COL7A1: variants seen among roughly 807,000 people sequenced by gnomAD.
COL7A1 encodes the protein collagen type VII alpha 1 chain.
COL7A1 carries 296 observed loss-of-function variants against 456.2 expected under a neutral mutation model. That is an observed-to-expected ratio of 0.65 (90% CI 0.59 to 0.71). COL7A1 has a LOEUF of 0.71. COL7A1 is among the 30% of genes least tolerant of loss of function. The pLI is 0.00. For missense variants in COL7A1, 3,441 were observed against 4,017.2 expected (o/e 0.86, Z 3.88); for synonymous variants, 1,464 against 1,525.9 (o/e 0.96, Z 0.95).
chr3:48,569,892 C>T lies in COL7A1; in HGVS notation c.7509G>A (p.Glu2503=). The T allele has an allele frequency of 6.2e-7, 1 of 1,614,122 alleles. No individual in the cohort carries two copies. Among genetic ancestry groups the T allele is most frequent in the Non-Finnish European group, 8.5e-7 (1 of 1,179,994 alleles). ...CCCACGTTCCTACCTTCTCCCCACG[C>T]TCTCCCCTGCTGCCAGGGGGCCCCT... The part of the protein sequence containing the change: ...GLTGPPGSRG[E]RGEKGDVGSA... The change falls in exon 100 of 119, where the codon GAG becomes GAA. Residue 2503 remains glutamate, a synonymous_variant. Transcript: ENST00000681320. This position sits in a 1 kb window ranked among gnomAD's most constrained non-coding sequence, Gnocchi z 4.9.
rs1276252908 is a variant in COL7A1 at position 48,570,134 on chromosome 3, C to T, written c.7485G>A (p.Thr2495=). Residue 2495 remains threonine (T), a splice_region_variant and synonymous_variant, in exon 99 of 119, where the codon ACG becomes ACA. Coordinates refer to ENST00000681320, the MANE Select transcript of COL7A1 (RefSeq NM_000094.4). This position sits in a 1 kb window ranked among gnomAD's most constrained non-coding sequence, Gnocchi z 5.5. The part of the protein sequence containing the change: ...RPGQEGPRGL[T]GPPGSRGERG... Reference sequence around the variant, plus strand: ...TGTCACTTTCCCCAGCGGGACCCACCGTGAGTCCTCGGGGTCCCTCCTGGC... The same window carrying T: ...TGTCACTTTCCCCAGCGGGACCCACTGTGAGTCCTCGGGGTCCCTCCTGGC... The T allele has an allele frequency of 3.7e-6, 6 of 1,614,124 alleles. No individual in the cohort carries two copies. The highest frequency in any genetic ancestry group is 1.1e-5 in the South Asian group (1 of 91,082).
Position 48,586,765 on chromosome 3 carries a change from C to T in COL7A1, c.3277-76G>A. On this transcript the variant is annotated intron_variant, in intron 25 of 118. Coordinates refer to ENST00000681320, the MANE Select transcript of COL7A1 (RefSeq NM_000094.4). This position sits in a 1 kb window ranked among gnomAD's most constrained non-coding sequence, Gnocchi z 5.1. ...GGGGTGCACAGAGCCTGGAGAAACA[C>T]ATCAGGGTGTGTGTGACCAAACCCT... 5 of 1,539,566 alleles carry T rather than the reference C, an allele frequency of 3.2e-6. No homozygotes were observed. The highest frequency in any genetic ancestry group is 4.4e-6 in the Non-Finnish European group (5 of 1,138,580).
At position 48,574,647 on chromosome 3, in the gene COL7A1, A is replaced by G; in HGVS notation, c.6393+30T>C. On this transcript the variant is annotated intron_variant, in intron 78 of 118. Transcript: ENST00000681320. The surrounding 1 kb of genome is among the most constrained non-coding windows in gnomAD (Gnocchi z 5.0). ...TAGTGTGCCCCCAGAAAGGAGGGGG[A>G]CTCTATGGAAGGGTGGAGAGAGGCC... 2 of 1,613,322 alleles carry G rather than the reference A, an allele frequency of 1.2e-6. No homozygotes were observed. The highest frequency in any genetic ancestry group is 1.7e-6 in the Non-Finnish European group (2 of 1,179,864).
Position 48,570,209 on chromosome 3 carries a change from G to A in COL7A1, c.7441-31C>T. 1 of 1,614,140 alleles carries A rather than the reference G, an allele frequency of 6.2e-7. No homozygotes were observed. Among genetic ancestry groups the A allele is most frequent in the Non-Finnish European group, 8.5e-7 (1 of 1,179,998 alleles). On this transcript the variant is annotated intron_variant, in intron 98 of 118. Transcript: ENST00000681320. The surrounding 1 kb of genome is among the most constrained non-coding windows in gnomAD (Gnocchi z 5.5). Reference sequence around the variant, plus strand: ...TGGTGACATTAGGTTCATTGACTCAGAGGTTGGAAATCAGAGGCAAGAGCT... The same window carrying A: ...TGGTGACATTAGGTTCATTGACTCAAAGGTTGGAAATCAGAGGCAAGAGCT...
Position 48,593,768 on chromosome 3 carries a change from T to A in COL7A1, c.267-72A>T. 1 of 1,568,466 alleles carries A rather than the reference T, an allele frequency of 6.4e-7. No individual in the cohort carries two copies. Among genetic ancestry groups the A allele is most frequent in the South Asian group, 1.1e-5 (1 of 90,102 alleles). On this transcript the variant is annotated intron_variant, in intron 3 of 118. Transcript: ENST00000681320. The surrounding 1 kb of genome is among the most constrained non-coding windows in gnomAD (Gnocchi z 4.4). ...CTGGCCCTGGCCTTGAGGAGGCCTCTAGGGTGAGGGTTACGGGTATCAGGC... is the reference window on the plus strand; with the variant it reads ...CTGGCCCTGGCCTTGAGGAGGCCTCAAGGGTGAGGGTTACGGGTATCAGGC...
rs766058466 is a variant in COL7A1 at position 48,585,142 on chromosome 3, G to A, written c.3895-26C>T. 37 of 1,607,972 alleles carry A rather than the reference G, an allele frequency of 2.3e-5. No homozygotes were observed. In the African/African-American group the frequency reaches 4.7e-4, roughly 20 times the overall value. On this transcript the variant is annotated intron_variant, in intron 32 of 118. Transcript: ENST00000681320. This position sits in a 1 kb window ranked among gnomAD's most constrained non-coding sequence, Gnocchi z 4.5. The stretch of plus-strand genomic sequence containing the variant: ...CTGAGGAGGTGAAGAGGTCAGGACA[G>A]GAAGGGACCCTCCCCCAAGGCCCCT...
chr3:48,566,198 T>C lies in COL7A1; in HGVS notation c.8407+69A>G. The C allele has an allele frequency of 6.6e-7, 1 of 1,525,034 alleles. No individual in the cohort carries two copies. The highest frequency in any genetic ancestry group is 1.4e-5 in the African/African-American group (1 of 73,140). 94.5% of individuals were successfully genotyped at this position (1,525,034 alleles called of 1,614,324 possible). A position where few individuals can be genotyped will look rare whatever the true frequency, so the allele number is the denominator to read the frequency against. On this transcript the variant is annotated intron_variant, in intron 114 of 118. Coordinates refer to ENST00000681320, the MANE Select transcript of COL7A1 (RefSeq NM_000094.4). The surrounding 1 kb of genome is among the most constrained non-coding windows in gnomAD (Gnocchi z 5.9). Reference sequence around the variant, plus strand: ...TCTTGACTGCTTGCCCTGTAAGTTCTAGGGGCCTGCCTGCCCTTGCCTAGG... The same window carrying C: ...TCTTGACTGCTTGCCCTGTAAGTTCCAGGGGCCTGCCTGCCCTTGCCTAGG...
Position 48,586,355 on chromosome 3 carries a change from G to A in COL7A1, c.3527C>T (p.Pro1176Leu). ...DEPLRGDIFS[P>L]IREAQASGLN... The stretch of plus-strand genomic sequence containing the variant: ...ACCAGAAGCCTGGGCCTCACGGATG[G>A]GGCTGAATATGTCACCTCTCAAGGG... The change falls in exon 27 of 119, where the codon CCC becomes CTC. Residue 1176 changes from proline (P) to leucine (L), a missense_variant. Coordinates refer to ENST00000681320, the MANE Select transcript of COL7A1 (RefSeq NM_000094.4). This position sits in a 1 kb window ranked among gnomAD's most constrained non-coding sequence, Gnocchi z 5.1. 2.5e-6 allele frequency: 4 copies of A among 1,613,836 alleles called. No individual in the cohort carries two copies. Among genetic ancestry groups the A allele is most frequent in the South Asian group, 2.2e-5 (2 of 91,080 alleles).
In COL7A1 at chr3:48,580,459, G is replaced by T. The variant is rs1282323123; in HGVS notation, c.5053-115C>A. ...TAGCCTTCAGATGCGTGTGTGCAGG[G>T]GTCAAAGGAAGTGAAGATTGGGAGG... On this transcript the variant is annotated intron_variant, in intron 55 of 118. Transcript: ENST00000681320. This position sits in a 1 kb window ranked among gnomAD's most constrained non-coding sequence, Gnocchi z 4.5. 2 of 1,470,452 alleles carry T rather than the reference G, an allele frequency of 1.4e-6. No individual in the cohort carries two copies. The highest frequency in any genetic ancestry group is 1.9e-6 in the Non-Finnish European group (2 of 1,064,678). The allele number at this position is 1,470,452 out of a possible 1,614,324, so 91.1% of individuals were successfully genotyped here. A position where few individuals can be genotyped will look rare whatever the true frequency, so the allele number is the denominator to read the frequency against.
chr3:48,585,950 T>C lies in COL7A1; in HGVS notation c.3749A>G (p.Tyr1250Cys), dbSNP rs917904275. ...ATGAGGGACTCTTACCTTTGGACAA[T>C]ACACTGGGCAGGGCTCTGGCCGGGG... ...TQPRPEPCPV[Y>C]CPKGQKGEPG... Residue 1250 changes from tyrosine (Y) to cysteine (C), a missense_variant, in exon 29 of 119, where the codon TAT becomes TGT. By Grantham distance (194) the Tyr-to-Cys change is radical. Around this residue, in one of 3 missense-constraint regions of COL7A1, gnomAD observed 2,084 missense variants for 2,501.3 expected, o/e 0.83. Coordinates refer to ENST00000681320, the MANE Select transcript of COL7A1 (RefSeq NM_000094.4). The surrounding 1 kb of genome is among the most constrained non-coding windows in gnomAD (Gnocchi z 4.5). The C allele has an allele frequency of 1.2e-5, 20 of 1,614,066 alleles. No individual in the cohort carries two copies. The highest frequency in any genetic ancestry group is 1.6e-5 in the Non-Finnish European group (19 of 1,180,012).
rs1295547257 is a variant in COL7A1 at position 48,576,398 on chromosome 3, AC to A, written c.5772+1del. The A allele has an allele frequency of 6.2e-7, 1 of 1,613,726 alleles. No individual in the cohort carries two copies. The highest frequency in any genetic ancestry group is 1.7e-5 in the Admixed American group (1 of 60,010). Reference sequence around the variant, plus strand: ...GGCATGTGGAAAAGGTGGGGGCCTCACCTGCTCCCCTTTGGATCCAGTCTCC... The same window carrying A: ...GGCATGTGGAAAAGGTGGGGGCCTCACTGCTCCCCTTTGGATCCAGTCTCC... On this transcript the variant is annotated splice_donor_variant, in intron 70 of 118. Transcript: ENST00000681320. LOFTEE classifies it high-confidence loss of function.
At position 48,590,608 on chromosome 3, in the gene COL7A1, G is replaced by C. The variant is rs1285147530; in HGVS notation, c.1781-24C>G. 1 of 1,614,110 alleles carries C rather than the reference G, an allele frequency of 6.2e-7. No homozygotes were observed. The highest frequency in any genetic ancestry group is 8.5e-7 in the Non-Finnish European group (1 of 1,180,030). On this transcript the variant is annotated intron_variant, in intron 14 of 118. Transcript: ENST00000681320. The surrounding 1 kb of genome is among the most constrained non-coding windows in gnomAD (Gnocchi z 4.6). ...CTCTAGGAGTTACAGACAGAAGTCA[G>C]AAGTCAGAACCAGGACCAGAGTGAG...
chr3:48,579,032 G>C lies in COL7A1; in HGVS notation c.5389-78C>G, dbSNP rs1262525419. The C allele has an allele frequency of 1.3e-6, 2 of 1,593,142 alleles. No homozygotes were observed. The highest frequency in any genetic ancestry group is 1.7e-5 in the Admixed American group (1 of 59,882). On this transcript the variant is annotated intron_variant, in intron 62 of 118. Transcript: ENST00000681320. This position sits in a 1 kb window ranked among gnomAD's most constrained non-coding sequence, Gnocchi z 4.4. ...GTCCCTGTGAGCCTAAGGCCTGCATGGCAAGAACATGCCCCACCCAGGCAG... is the reference window on the plus strand; with the variant it reads ...GTCCCTGTGAGCCTAAGGCCTGCATCGCAAGAACATGCCCCACCCAGGCAG...
At position 48,567,835 on chromosome 3, in the gene COL7A1, T is replaced by A. The variant is rs886058631; in HGVS notation, c.7929+3A>T. 1.1e-5 allele frequency: 17 copies of A among 1,614,020 alleles called. No homozygotes were observed. The highest frequency in any genetic ancestry group is 1.3e-5 in the Non-Finnish European group (15 of 1,179,984). Reference sequence around the variant, plus strand: ...AGCCCCCCAGCCCCCATCCCCTCTGTACCTTGTCTCCCTTCTCTCCATCAA... The same window carrying A: ...AGCCCCCCAGCCCCCATCCCCTCTGAACCTTGTCTCCCTTCTCTCCATCAA... On this transcript the variant is annotated splice_donor_region_variant and intron_variant, in intron 107 of 118. Transcript: ENST00000681320. This position sits in a 1 kb window ranked among gnomAD's most constrained non-coding sequence, Gnocchi z 4.3.
Position 48,565,806 on chromosome 3 carries a change from G to T in COL7A1, c.8408-138C>A, listed in dbSNP as rs764424501. On this transcript the variant is annotated intron_variant, in intron 114 of 118. Coordinates refer to ENST00000681320, the MANE Select transcript of COL7A1 (RefSeq NM_000094.4). This position sits in a 1 kb window ranked among gnomAD's most constrained non-coding sequence, Gnocchi z 4.5. Reference sequence around the variant, plus strand: ...GAGAGGGTAACAGGAGAGAGAGGAAGAGAGAGGGTGGGAGGTAGATAGAGA... The same window carrying T: ...GAGAGGGTAACAGGAGAGAGAGGAATAGAGAGGGTGGGAGGTAGATAGAGA... 1 of 848,526 alleles carries T rather than the reference G, an allele frequency of 1.2e-6. No individual in the cohort carries two copies. Among genetic ancestry groups the T allele is most frequent in the Non-Finnish European group, 1.9e-6 (1 of 514,346 alleles). The allele number at this position is 848,526 out of a possible 1,614,324, so 52.6% of individuals were successfully genotyped here.
Position 48,584,624 on chromosome 3 carries a change from A to G in COL7A1, c.4048-68T>C. ...GCCTTGAGCTGGAAGAAGCCCCTAG[A>G]CATGTCCAGCTATTCCTATTCGCGC... is the stretch of plus-strand genomic sequence containing the variant. On this transcript the variant is annotated intron_variant, in intron 35 of 118. Transcript: ENST00000681320. 4 of 1,611,518 alleles carry G rather than the reference A, an allele frequency of 2.5e-6. No homozygotes were observed. In the Admixed American group the frequency reaches 5.0e-5, roughly 20 times the overall value.
chr3:48,590,706 C>T lies in COL7A1; in HGVS notation c.1747G>A (p.Glu583Lys). 3.1e-6 allele frequency: 5 copies of T among 1,614,032 alleles called. No individual in the cohort carries two copies. The South Asian group carries it at 5.5e-5, about 18-fold the overall frequency. Residue 583 changes from glutamate to lysine, a missense_variant, in exon 14 of 119, where the codon GAG becomes AAG. By Grantham distance (56) the Glu-to-Lys change is moderately conservative (BLOSUM62 1). Transcript: ENST00000681320. This position sits in a 1 kb window ranked among gnomAD's most constrained non-coding sequence, Gnocchi z 4.6. ...ACAGTGAGGACACTGGCACTGCCCT[C>T]ACGGGGACCCACTCGAGCAGACACC... ...VRVSARVGPR[E>K]GSASVLTVRR... is the part of the protein sequence containing the mutation.
rs2044876484 is a variant in COL7A1 at position 48,582,913 on chromosome 3, G to T, written c.4518+100C>A. On this transcript the variant is annotated intron_variant, in intron 44 of 118. Transcript: ENST00000681320. ...GCAGGGATAAGTGGTCATTGAGGAGGGGTGAGGAGCAGGGGTAGCAGGGGT... is the reference window on the plus strand; with the variant it reads ...GCAGGGATAAGTGGTCATTGAGGAGTGGTGAGGAGCAGGGGTAGCAGGGGT... The T allele has an allele frequency of 1.9e-6, 3 of 1,540,640 alleles. No homozygotes were observed. The South Asian group carries it at 3.4e-5, about 17-fold the overall frequency.
chr3:48,573,010 C>G lies in COL7A1; in HGVS notation c.6750+11G>C, dbSNP rs1488907710. On this transcript the variant is annotated intron_variant, in intron 86 of 118. Transcript: ENST00000681320. This position sits in a 1 kb window ranked among gnomAD's most constrained non-coding sequence, Gnocchi z 5.5. ...ACCCCTGGAGCCCAACCCTTGACCC[C>G]CAGAACTCACCACTTGTCCAGGCAA... The G allele has an allele frequency of 6.2e-7, 1 of 1,614,104 alleles. No homozygotes were observed. Among genetic ancestry groups the G allele is most frequent in the South Asian group, 1.1e-5 (1 of 91,078 alleles).
Sources: gnomAD v4.1 joint callset for allele counts on GRCh38, gnomAD v4.1.1 for gene constraint, gnomAD v4.1.1 regional missense constraint, Gnocchi (gnomAD v3.1) non-coding constraint, MANE v1.5 for transcripts, NCBI Gene and HGNC (gene_info 2026-07-23, HGNC 2026-07-21) for gene names.